NHS: variants seen among roughly 807,000 people sequenced by gnomAD.
NHS encodes NHS actin remodeling regulator, also known as actin remodeling regulator NHS.
Under a neutral mutation model 72.5 loss-of-function variants are expected in NHS, and 5 were observed. The observed-to-expected ratio is 0.07, with a 90% CI of 0.04 to 0.14. The LOEUF (loss-of-function observed/expected upper bound fraction) is 0.14, where lower values mean the gene tolerates loss of function less well. NHS is among the 10% of genes least tolerant of loss of function. NHS has a pLI of 1.00. For missense variants in NHS, 1,072 were observed against 1,355.7 expected, an observed-to-expected ratio of 0.79 and a Z score of 3.29; for synonymous variants, 464 against 547.7, an observed-to-expected ratio of 0.85 and a Z score of 2.13.
intron 1 of NHS, among the ~76,000 whole-genome samples, chrX:17,601,811 C>T (rs1004993333): frequency 4.6e-4 from 51 of 111,724 alleles, no homozygotes; most frequent in African/African-American, 1.6e-3. Context: ...GTGCTTCATT[C>T]GATCCCACCC....
chrX:17,730,725 G>C (rs2066481344), intron 8 of NHS, among the ~76,000 whole-genome samples: 1 of 112,236 alleles, frequency 8.9e-6, no homozygotes, highest in Non-Finnish European at 1.9e-5. Flanking sequence ...CATTTGTGCA[G>C]GGTTTACTTA....
At chrX:17,635,181 G>A (rs2065839492) in intron 1 of NHS, 1 of 498,556 alleles carries the variant, frequency 2.0e-6, no homozygotes, top group Non-Finnish European at 2.6e-6. Context: ...TGCAATTGGA[G>A]TAGCAAGGCT....
chrX:17,579,464 C>T (rs965365658), intron 1 of NHS, among the ~76,000 whole-genome samples: 2 of 111,057 alleles, frequency 1.8e-5, no homozygotes, highest in Non-Finnish European at 3.8e-5. Flanking sequence ...CTCTCTCTCT[C>T]CCCCTGCTCC....
intron 1 of NHS, among the ~76,000 whole-genome samples, chrX:17,478,739 G>T (rs1054392166): frequency 4.5e-5 from 5 of 111,435 alleles, no homozygotes; most frequent in African/African-American, 1.6e-4. Context: ...TGTATATCTA[G>T]ACCAGTGCTG....
chrX:17,461,606 C>T (rs1288457884), intron 1 of NHS, among the ~76,000 whole-genome samples: 1 of 113,106 alleles, frequency 8.8e-6, no homozygotes, highest in Non-Finnish European at 1.9e-5. Flanking sequence ...CATGGAACTA[C>T]ATGTTAGACT....
chrX:17,666,236 CAG>C (rs909428008), intron 1 of NHS, among the ~76,000 whole-genome samples: 8 of 112,108 alleles, frequency 7.1e-5, no homozygotes, highest in African/African-American at 2.3e-4. Context: ...TATTTTCAAA[CAG>C]GGGCACGGCC....
rs1601860383 is a variant in NHS, at chrX:17,728,640, T to C, written c.4223-9T>C. Reference sequence around the variant, plus strand: ...TTCCTCTTAAAGATTCTTCTGTTCTTATTTTAAGAATCATCACCGAGTGAT... The same window carrying C: ...TTCCTCTTAAAGATTCTTCTGTTCTCATTTTAAGAATCATCACCGAGTGAT... On this transcript the variant is annotated splice_polypyrimidine_tract_variant and intron_variant, in intron 7 of 8. Coordinates refer to ENST00000676302, the MANE Select transcript of NHS (RefSeq NM_001291867.2). 15 of 1,210,708 alleles carry C rather than the reference T, an allele frequency of 1.2e-5. No individual in the cohort carries two copies. In the East Asian group the frequency reaches 4.4e-4, roughly 36 times the overall value.
At position 17,537,503 on chromosome X, in the gene NHS, A is replaced by G. The variant is rs562540104; in HGVS notation, c.566-150239A>G. Reference sequence around the variant, plus strand: ...CAGGGTCCTGCCTGGTGCTATCCTGAGCTAACTTCTCAAAAATCAGACACT... The same window carrying G: ...CAGGGTCCTGCCTGGTGCTATCCTGGGCTAACTTCTCAAAAATCAGACACT... On this transcript the variant is annotated intron_variant, in intron 1 of 8. Coordinates refer to ENST00000676302, the MANE Select transcript of NHS (RefSeq NM_001291867.2). Among the ~76,000 whole-genome samples the G allele has an allele frequency of 4.4e-5, 5 of 112,526 alleles. No homozygotes were observed. The South Asian group carries it at 1.1e-3, about 25-fold the overall frequency.
intron 1 of NHS, among the ~76,000 whole-genome samples, chrX:17,585,500 C>T (rs1274691673): frequency 9.0e-6 from 1 of 110,906 alleles, no homozygotes; most frequent in Non-Finnish European, 1.9e-5. Context: ...GAAGCAGGGC[C>T]CTCTGTTTGG....
chrX:17,448,446 C>A (rs897474762), intron 1 of NHS, among the ~76,000 whole-genome samples: 3 of 111,903 alleles, frequency 2.7e-5, no homozygotes, highest in Non-Finnish European at 5.6e-5. Context: ...AGTAATCCAA[C>A]TGCCTTTCTC....
At chrX:17,664,123 A>G (rs1217232931) in intron 1 of NHS, among the ~76,000 whole-genome samples, 1 of 111,358 alleles carries the variant, frequency 9.0e-6, no homozygotes, top group African/African-American at 3.3e-5. Context: ...TTGTATTGCA[A>G]ATATTTACTC....
intron 1 of NHS, among the ~76,000 whole-genome samples, chrX:17,541,767 AACACACACACACACAC>A (rs57700886): frequency 5.7e-4 from 36 of 62,918 alleles, no homozygotes; most frequent in Admixed American, 1.9e-3. Flanking sequence ...TGAGTTTGCG[AACACACACACACACAC>A]ACACACACAC....
At chrX:17,460,462 C>T (rs1444436881) in intron 1 of NHS, among the ~76,000 whole-genome samples, 1 of 110,382 alleles carries the variant, frequency 9.1e-6, no homozygotes, top group Non-Finnish European at 1.9e-5. Context: ...CTTTTAAAAT[C>T]ATCAGATCTG....
intron 1 of NHS, among the ~76,000 whole-genome samples, chrX:17,578,372 C>G (rs991607766): frequency 1.8e-5 from 2 of 112,275 alleles, no homozygotes; most frequent in Non-Finnish European, 3.8e-5. Flanking sequence ...GAGGTAGATG[C>G]CTCCTGCATC....
Position 17,429,609 on chromosome X carries a change from G to A in NHS, c.565+53287G>A, listed in dbSNP as rs190440003. On this transcript the variant is annotated intron_variant, in intron 1 of 8. Transcript: ENST00000676302. ...AATGTTTGATGGAGAGAAAACAGCC[G>A]TTGGAATCCTGTGGCTGTTCCCACA... Among the ~76,000 whole-genome samples the A allele has an allele frequency of 1.4e-3, 155 of 111,418 alleles. 1 individual carries two copies. The highest frequency in any genetic ancestry group is 4.6e-3 in the African/African-American group (142 of 30,615).
chrX:17,709,629 C>A (rs1290628759), intron 3 of NHS, among the ~76,000 whole-genome samples: 1 of 111,878 alleles, frequency 8.9e-6, no homozygotes, highest in Non-Finnish European at 1.9e-5. Context: ...GAGATAGTAA[C>A]AGCAGCAAGA....
chrX:17,489,082 G>T (rs1569265400), intron 1 of NHS, among the ~76,000 whole-genome samples: 2 of 111,532 alleles, frequency 1.8e-5, no homozygotes, highest in Non-Finnish European at 3.8e-5. Flanking sequence ...GAGAATGATG[G>T]TTTCCAGCTT....
intron 1 of NHS, among the ~76,000 whole-genome samples, chrX:17,493,711 G>C (rs2065000813): frequency 9.0e-6 from 1 of 111,727 alleles, no homozygotes; most frequent in African/African-American, 3.3e-5. Context: ...TATTAGAAAT[G>C]CAGAATCTCA....
intron 1 of NHS, among the ~76,000 whole-genome samples, chrX:17,466,938 G>T (rs754303671): frequency 8.9e-6 from 1 of 111,901 alleles, no homozygotes; most frequent in Non-Finnish European, 1.9e-5. Context: ...GGATGTCCAC[G>T]TGAGCCTGCT....
Sources: gnomAD v4.1 joint callset for allele counts (sites outside exome capture counted in the v4.1 genomes callset) on GRCh38, gnomAD v4.1.1 for gene constraint, MANE v1.5 for transcripts, NCBI Gene and HGNC (gene_info 2026-07-23, HGNC 2026-07-21) for gene names.